Variants in BBS12 observed in about 807,000 individuals in gnomAD.
The protein encoded by BBS12 is chaperonin-containing T-complex member BBS12.
A neutral mutation model predicts 5.6 loss-of-function variants in BBS12; 5 were observed. That is an observed-to-expected ratio of 0.89 (90% CI 0.46 to 1.86). BBS12 has a LOEUF of 1.86. BBS12 is among the 40% of genes most tolerant of loss of function. The probability of loss-of-function intolerance (pLI) is 0.01; values close to 1 mark genes in which losing one functional copy is unlikely to be tolerated. For missense variants in BBS12, 748 were observed against 830.4 expected, an observed-to-expected ratio of 0.90 and a Z score of 1.22; for synonymous variants, 308 against 306.8, an observed-to-expected ratio of 1.00 and a Z score of -0.04.
At chr4:122,716,740 T>TGTGTGTGTATGCACATACGC in the BBS12 span, among the ~76,000 whole-genome samples, 76 of 96,892 alleles carry the variant, frequency 7.8e-4, 5 homozygotes, top group Middle Eastern at 5.8e-3. Flanking sequence ...CACACACGTG[T>TGTGTGTGTATGCACATACGC]GTGTGTATAT....
the BBS12 span, among the ~76,000 whole-genome samples, chr4:122,713,613 C>A: frequency 6.6e-6 from 1 of 152,250 alleles, no homozygotes; most frequent in Non-Finnish European, 1.5e-5. Flanking sequence ...TATGCCCCAA[C>A]TCAACTCTAT....
the BBS12 span, among the ~76,000 whole-genome samples, chr4:122,705,109 C>T: frequency 3.3e-5 from 5 of 152,142 alleles, no homozygotes; most frequent in South Asian, 8.3e-4. Flanking sequence ...ACATTCTGTC[C>T]CCTCAGCCTA....
chr4:122,742,330 A>T lies in BBS12; in HGVS notation c.438A>T (p.Thr146=). 1 of 1,614,066 alleles carries T rather than the reference A, an allele frequency of 6.2e-7. No homozygotes were observed. The highest frequency in any genetic ancestry group is 1.3e-5 in the African/African-American group (1 of 75,028). The change falls in exon 2 of 2, where the codon ACA becomes ACT. Residue 146 remains threonine, a synonymous_variant. Transcript: ENST00000314218. The part of the protein sequence containing the change: ...NIFDCMDSTK[T]FSQLETFSVS... ...TTGACTGTATGGACAGCACAAAAAC[A>T]TTTTCTCAACTTGAAACATTTAGTG...
chr4:122,716,639 AC>A, the BBS12 span, among the ~76,000 whole-genome samples: 7,242 of 77,418 alleles, frequency 0.094, 779 homozygotes, highest in African/African-American at 0.3. Flanking sequence ...ATATGTATAT[AC>A]ACACGTGTGT....
chr4:122,706,099 G>A, the BBS12 span, among the ~76,000 whole-genome samples: 1 of 152,230 alleles, frequency 6.6e-6, no homozygotes, highest in East Asian at 1.9e-4. Context: ...AAGGCTGTGA[G>A]GACCTGCCAC....
In BBS12 at chr4:122,742,512, A is replaced by C; in HGVS notation, c.620A>C (p.Glu207Ala). ...TTATTTAAACCTCAGACAAAGGTTG[A>C]AGCAGATAACAACACATCACGAACT... ...YELFKPQTKV[E>A]ADNNTSRTLK... is the part of the protein sequence containing the mutation. Residue 207 changes from glutamate (E) to alanine (A), a missense_variant, in exon 2 of 2, where the codon GAA becomes GCA. Physicochemically the swap from Glu to Ala is moderately radical, Grantham distance 107. Coordinates refer to ENST00000314218, the MANE Select transcript of BBS12 (RefSeq NM_152618.3). The C allele has an allele frequency of 6.2e-7, 1 of 1,614,156 alleles. No homozygotes were observed. The highest frequency in any genetic ancestry group is 8.5e-7 in the Non-Finnish European group (1 of 1,180,012).
Position 122,744,750 on chromosome 4 carries a change from G to A in BBS12, c.*725G>A, listed in dbSNP as rs1800962024. 6.0e-6 allele frequency: 1 copy of A among 167,112 alleles called. No individual in the cohort carries two copies. Among genetic ancestry groups the A allele is most frequent in the African/African-American group, 2.4e-5 (1 of 41,422 alleles). 10.4% of individuals were successfully genotyped at this position (167,112 alleles called of 1,614,324 possible). ...TTGGTCTCATATAGCAATTAATGCAGGCTATTATCAGACACAGCAGCAGGA... is the reference window on the plus strand; with the variant it reads ...TTGGTCTCATATAGCAATTAATGCAAGCTATTATCAGACACAGCAGCAGGA... On this transcript the variant is annotated 3_prime_UTR_variant, in exon 2 of 2. Coordinates refer to ENST00000314218, the MANE Select transcript of BBS12 (RefSeq NM_152618.3).
At chr4:122,710,569 A>C in the BBS12 span, among the ~76,000 whole-genome samples, 1 of 152,358 alleles carries the variant, frequency 6.6e-6, no homozygotes, top group Admixed American at 6.5e-5. Context: ...ATCGTGTTAC[A>C]GTGGAAAGAA....
the BBS12 span, among the ~76,000 whole-genome samples, chr4:122,714,898 C>G: frequency 2.0e-5 from 3 of 151,894 alleles, no homozygotes; most frequent in Non-Finnish European, 4.4e-5. Flanking sequence ...TTATTTAGTA[C>G]ATGCTTATCA....
intron 1 of BBS12, among the ~76,000 whole-genome samples, chr4:122,734,410 C>T (rs934491703): frequency 6.6e-6 from 1 of 152,014 alleles, no homozygotes; most frequent in Admixed American, 6.6e-5. Context: ...GGAGTACAGG[C>T]GCCCGCCACC....
the BBS12 span, among the ~76,000 whole-genome samples, chr4:122,714,698 A>G: frequency 6.6e-6 from 1 of 152,086 alleles, no homozygotes; most frequent in Non-Finnish European, 1.5e-5. Flanking sequence ...AAGAAACAGA[A>G]TTCCATACAA....
At chr4:122,715,394 G>A in the BBS12 span, among the ~76,000 whole-genome samples, 11 of 151,486 alleles carry the variant, frequency 7.3e-5, no homozygotes, top group African/African-American at 2.7e-4. Context: ...GCTTTGACAA[G>A]TAGTATTTCT....
At chr4:122,723,898 G>A in the BBS12 span, among the ~76,000 whole-genome samples, 8 of 152,246 alleles carry the variant, frequency 5.3e-5, no homozygotes, top group East Asian at 1.9e-4. Flanking sequence ...TTTCAGATGC[G>A]TGTGTGACAA....
chr4:122,710,110 C>T, the BBS12 span, among the ~76,000 whole-genome samples: 1 of 152,112 alleles, frequency 6.6e-6, no homozygotes, highest in Non-Finnish European at 1.5e-5. Flanking sequence ...AACCTTAAAC[C>T]TAAATCTTTT....
At position 122,742,904 on chromosome 4, in the gene BBS12, G is replaced by C. The variant is rs1338473871; in HGVS notation, c.1012G>C (p.Val338Leu). 4 of 1,614,092 alleles carry C rather than the reference G, an allele frequency of 2.5e-6. No individual in the cohort carries two copies. The highest frequency in any genetic ancestry group is 1.3e-5 in the African/African-American group (1 of 74,934). Reference protein sequence around the residue: ...SCVCPGYITVVSVSNNPVIKE... With the variant: ...SCVCPGYITVLSVSNNPVIKE... ...TGTTTGTCCAGGATATATCACTGTTGTGTCAGTATCTAATAATCCTGTGAT... is the reference window on the plus strand; with the variant it reads ...TGTTTGTCCAGGATATATCACTGTTCTGTCAGTATCTAATAATCCTGTGAT... Residue 338 changes from valine (V) to leucine (L), a missense_variant, in exon 2 of 2, where the codon GTG becomes CTG. Physicochemically the swap from Val to Leu is conservative, Grantham distance 32 (BLOSUM62 1). Transcript: ENST00000314218.
the BBS12 span, among the ~76,000 whole-genome samples, chr4:122,716,633 G>GTA: frequency 0.013 from 1,345 of 101,070 alleles, 108 homozygotes; most frequent in Middle Eastern, 0.019. Context: ...ATACACATAT[G>GTA]TATATACACA....
chr4:122,713,319 T>A, the BBS12 span, among the ~76,000 whole-genome samples: 13,387 of 150,240 alleles, frequency 0.089, 1,588 homozygotes, highest in African/African-American at 0.27. Flanking sequence ...GTATTTTTAA[T>A]TTTTTTTTTA....
the BBS12 span, among the ~76,000 whole-genome samples, chr4:122,727,393 T>C: frequency 6.6e-6 from 1 of 151,844 alleles, no homozygotes; most frequent in African/African-American, 2.4e-5. Flanking sequence ...TACAGGTGCC[T>C]GCCACCATGT....
rs1210898492 is a variant in BBS12 at position 122,742,355 on chromosome 4, G to A, written c.463G>A (p.Val155Ile). The change falls in exon 2 of 2, where the codon GTA becomes ATA. Residue 155 changes from valine (V) to isoleucine (I), a missense_variant. Physicochemically the swap from Val to Ile is conservative, Grantham distance 29. Coordinates refer to ENST00000314218, the MANE Select transcript of BBS12 (RefSeq NM_152618.3). ...KTFSQLETFS[V>I]SLCPFLQVPS... ...ATTTTCTCAACTTGAAACATTTAGT[G>A]TAAGTTTGTGTCCTTTTCTACAGGT... is the stretch of plus-strand genomic sequence containing the variant. The A allele has an allele frequency of 6.2e-7, 1 of 1,614,150 alleles. No individual in the cohort carries two copies. The highest frequency in any genetic ancestry group is 2.2e-5 in the East Asian group (1 of 44,874).
Sources: gnomAD v4.1 joint callset for allele counts (sites outside exome capture counted in the v4.1 genomes callset) on GRCh38, gnomAD v4.1.1 for gene constraint, MANE v1.5 for transcripts, NCBI Gene and HGNC (gene_info 2026-07-23, HGNC 2026-07-21) for gene names.